RGS7: variants seen among roughly 807,000 people sequenced by gnomAD.
RGS7 encodes regulator of G-protein signaling 7.
In RGS7, 27 loss-of-function variants were observed where a neutral mutation model predicts 81.1. The ratio of observed to expected loss-of-function variants is 0.33; its 90% CI spans 0.25 to 0.46. The LOEUF is 0.46. RGS7 is among the 20% of genes least tolerant of loss of function. RGS7 has a pLI of 1.00. For missense variants in RGS7, 396 were observed against 607.4 expected, an observed-to-expected ratio of 0.65 and a Z score of 3.66; for synonymous variants, 208 against 207.7, an observed-to-expected ratio of 1.00 and a Z score of -0.01.
chr1:240,904,934 T>C (rs1670582426), intron 6 of RGS7, among the ~76,000 whole-genome samples: 1 of 152,216 alleles, frequency 6.6e-6, no homozygotes, highest in African/African-American at 2.4e-5. Flanking sequence ...TAAAGCATGA[T>C]AGGGTGCTTG....
intron 2 of RGS7, among the ~76,000 whole-genome samples, chr1:241,189,403 T>C (rs1029677242): frequency 2.6e-5 from 4 of 152,216 alleles, no homozygotes; most frequent in Admixed American, 1.3e-4. Context: ...CTATAGTCTA[T>C]ATTCTAGATA....
At chr1:241,294,732 T>C (rs1179072242) in intron 2 of RGS7, among the ~76,000 whole-genome samples, 1 of 152,204 alleles carries the variant, frequency 6.6e-6, no homozygotes, top group African/African-American at 2.4e-5. Flanking sequence ...TTACTGTACC[T>C]TTTCTATGTT....
chr1:240,944,280 G>GTATATATA (rs1678168411), intron 4 of RGS7, among the ~76,000 whole-genome samples: 3 of 21,194 alleles, frequency 1.4e-4, no homozygotes, highest in Admixed American at 6.2e-4. Flanking sequence ...GTGTGTGTGT[G>GTATATATA]TGTATATATA....
intron 2 of RGS7, among the ~76,000 whole-genome samples, chr1:241,180,554 CA>C (rs1205172213): frequency 5.3e-5 from 8 of 152,294 alleles, no homozygotes; most frequent in Admixed American, 3.3e-4. Flanking sequence ...ATGGCAACTA[CA>C]AAGAAGTATA....
chr1:240,776,656 A>G (rs1321847057), intron 18 of RGS7, among the ~76,000 whole-genome samples: 2 of 152,232 alleles, frequency 1.3e-5, no homozygotes, highest in Non-Finnish European at 2.9e-5. Context: ...TTAATGTCAC[A>G]TTTATAAATA....
chr1:241,109,596 G>A (rs2102943799), intron 2 of RGS7, among the ~76,000 whole-genome samples: 1 of 152,096 alleles, frequency 6.6e-6, no homozygotes, highest in African/African-American at 2.4e-5. Flanking sequence ...ATACTTCTTT[G>A]CTGTGTTTGT....
intron 6 of RGS7, among the ~76,000 whole-genome samples, chr1:240,889,750 A>G (rs1667977985): frequency 6.6e-6 from 1 of 152,130 alleles, no homozygotes; most frequent in South Asian, 2.1e-4. Context: ...TCTGTTACTT[A>G]TCTAACTAGA....
chr1:241,075,564 C>T (rs1004704117), intron 3 of RGS7, among the ~76,000 whole-genome samples: 2 of 151,990 alleles, frequency 1.3e-5, no homozygotes, highest in African/African-American at 4.8e-5. Context: ...TTGGGCCATA[C>T]ATAAATCACA....
At chr1:241,215,227 T>C (rs2074476561) in intron 2 of RGS7, among the ~76,000 whole-genome samples, 1 of 152,222 alleles carries the variant, frequency 6.6e-6, no homozygotes. Flanking sequence ...ATGTGTTTCA[T>C]GAGGATATGT....
intron 2 of RGS7, among the ~76,000 whole-genome samples, chr1:241,101,214 T>G (rs1001262457): frequency 1.3e-5 from 2 of 152,158 alleles, no homozygotes; most frequent in African/African-American, 4.8e-5. Context: ...AAGAACATGA[T>G]GCTGGGCACG....
intron 2 of RGS7, among the ~76,000 whole-genome samples, chr1:241,167,456 C>T (rs1558148925): frequency 6.6e-6 from 1 of 151,962 alleles, no homozygotes; most frequent in East Asian, 1.9e-4. Context: ...GTGGTAAAAA[C>T]GAATGTGTCA....
At chr1:240,840,696 C>T (rs998127504) in intron 9 of RGS7, among the ~76,000 whole-genome samples, 1 of 152,228 alleles carries the variant, frequency 6.6e-6, no homozygotes, top group African/African-American at 2.4e-5. Context: ...TCACTTACCT[C>T]CACCTGGAGG....
chr1:241,017,446 A>AC (rs2059315943), intron 3 of RGS7, among the ~76,000 whole-genome samples: 2 of 151,860 alleles, frequency 1.3e-5, no homozygotes, highest in African/African-American at 4.8e-5. Context: ...TCTCAAAAAA[A>AC]AAAAAAAAAA....
intron 9 of RGS7, among the ~76,000 whole-genome samples, chr1:240,858,518 G>GT: frequency 6.6e-6 from 1 of 152,210 alleles, no homozygotes; most frequent in Non-Finnish European, 1.5e-5. Flanking sequence ...CTCTGTGTAT[G>GT]TTTTTTGGTG....
chr1:240,898,280 C>G (rs1177640515), intron 6 of RGS7, among the ~76,000 whole-genome samples: 1 of 152,092 alleles, frequency 6.6e-6, no homozygotes, highest in Non-Finnish European at 1.5e-5. Context: ...GTCTCTATTT[C>G]CTTCAGTTCT....
chr1:241,305,358 G>A (rs1255020856), intron 2 of RGS7, among the ~76,000 whole-genome samples: 3 of 152,120 alleles, frequency 2.0e-5, no homozygotes, highest in Admixed American at 6.5e-5. Context: ...CCATGCCCTC[G>A]TGGGTTCAGG....
chr1:241,231,147 T>C (rs2075640823), intron 2 of RGS7, among the ~76,000 whole-genome samples: 1 of 152,180 alleles, frequency 6.6e-6, no homozygotes, highest in South Asian at 2.1e-4. Context: ...GTTGATTAAT[T>C]TGTTCATACA....
chr1:240,905,223 T>C (rs1670634281), intron 6 of RGS7, among the ~76,000 whole-genome samples: 1 of 152,234 alleles, frequency 6.6e-6, no homozygotes, highest in African/African-American at 2.4e-5. Context: ...AAAAATCTTA[T>C]GTTCCATGAA....
chr1:241,302,969 G>A (rs1008626088), intron 2 of RGS7, among the ~76,000 whole-genome samples: 4 of 148,154 alleles, frequency 2.7e-5, no homozygotes, highest in African/African-American at 9.7e-5. Flanking sequence ...GAGAAACTGT[G>A]TATGCCACTC....
Sources: allele counts gnomAD v4.1 joint callset (sites outside exome capture counted in the v4.1 genomes callset), GRCh38; gene constraint gnomAD v4.1.1; transcripts MANE v1.5; gene names NCBI Gene and HGNC (gene_info 2026-07-23, HGNC 2026-07-21).